The following CCSER1 variants were observed in gnomAD, a reference collection of about 807,000 sequenced individuals.
CCSER1 encodes coiled-coil serine rich protein 1, also known as serine-rich coiled-coil domain-containing protein 1.
Under a neutral mutation model 82.0 loss-of-function variants are expected in CCSER1, and 41 were observed. That is an observed-to-expected ratio of 0.50 (90% CI 0.39 to 0.65). CCSER1 has a LOEUF of 0.65. Ranked by LOEUF, CCSER1 falls within the 30% of genes least tolerant of loss-of-function variation. The pLI is 0.00. For synonymous variants in CCSER1, 414 were observed against 383.9 expected, an observed-to-expected ratio of 1.08 and a Z score of -0.92; for missense variants, 1,119 against 1,064.2, an observed-to-expected ratio of 1.05 and a Z score of -0.72.
At chr4:91,283,805 A>G (rs1743087957) in intron 10 of CCSER1, among the ~76,000 whole-genome samples, 1 of 151,964 alleles carries the variant, frequency 6.6e-6, no homozygotes. Context: ...TGTTTTATTT[A>G]CAGGGCACAG....
At chr4:91,355,981 G>A (rs144693270) in intron 10 of CCSER1, among the ~76,000 whole-genome samples, 2 of 152,224 alleles carry the variant, frequency 1.3e-5, no homozygotes, top group East Asian at 1.9e-4. Flanking sequence ...TATCTAGTTA[G>A]TCTAACATTC....
At chr4:91,148,824 T>A (rs1292980695) in intron 10 of CCSER1, among the ~76,000 whole-genome samples, 1 of 152,328 alleles carries the variant, frequency 6.6e-6, no homozygotes, top group Admixed American at 6.5e-5. Flanking sequence ...TCATCCTTTT[T>A]TATGGCTGCA....
chr4:90,640,473 T>G (rs1726292841), intron 6 of CCSER1, among the ~76,000 whole-genome samples: 1 of 152,162 alleles, frequency 6.6e-6, no homozygotes, highest in Admixed American at 6.6e-5. Context: ...ATTTTTCTTT[T>G]AAAAAGTATT....
rs137943987 is a variant in CCSER1 at position 90,263,629 on chromosome 4, C to T, written c.-41-44615C>T. On this transcript the variant is annotated intron_variant, in intron 1 of 10. Transcript: ENST00000509176. ...TCTACCTAGAGATGCTGTAATGGCCCGAGTTGATTGACCTCCAACAGAGGT... is the reference window on the plus strand; with the variant it reads ...TCTACCTAGAGATGCTGTAATGGCCTGAGTTGATTGACCTCCAACAGAGGT... 5.9e-5 allele frequency among the ~76,000 whole-genome samples: 9 copies of T among 152,128 alleles called. No homozygotes were observed. In the South Asian group the frequency reaches 6.2e-4, roughly 11 times the overall value.
intron 5 of CCSER1, among the ~76,000 whole-genome samples, chr4:90,593,786 C>T (rs1231840111): frequency 6.6e-6 from 1 of 151,862 alleles, no homozygotes; most frequent in Non-Finnish European, 1.5e-5. Flanking sequence ...ACAGGTAATT[C>T]CTATTATGTT....
intron 8 of CCSER1, among the ~76,000 whole-genome samples, chr4:90,905,631 A>G: frequency 6.6e-6 from 1 of 152,078 alleles, no homozygotes; most frequent in Non-Finnish European, 1.5e-5. Flanking sequence ...ACCTGGTAAA[A>G]CATTTGCTTA....
chr4:91,379,721 G>T (rs1300147143), intron 10 of CCSER1, among the ~76,000 whole-genome samples: 1 of 152,086 alleles, frequency 6.6e-6, no homozygotes, highest in East Asian at 1.9e-4. Flanking sequence ...TTGATTTCTT[G>T]AAGGGATTTT....
chr4:90,708,792 C>G (rs1739926386), intron 6 of CCSER1, among the ~76,000 whole-genome samples: 1 of 151,972 alleles, frequency 6.6e-6, no homozygotes, highest in South Asian at 2.1e-4. Flanking sequence ...CTGATTTTTT[C>G]CCCTAAAAGT....
chr4:90,710,266 GT>G (rs980714939), intron 6 of CCSER1, among the ~76,000 whole-genome samples: 1 of 151,868 alleles, frequency 6.6e-6, no homozygotes, highest in Non-Finnish European at 1.5e-5. Context: ...TCTAGTGATA[GT>G]TTTTTGTTGT....
intron 8 of CCSER1, among the ~76,000 whole-genome samples, chr4:90,891,556 T>G (rs1324502356): frequency 6.6e-6 from 1 of 152,016 alleles, no homozygotes; most frequent in African/African-American, 2.4e-5. Flanking sequence ...TCAGATCAGC[T>G]GAATGATATA....
intron 10 of CCSER1, among the ~76,000 whole-genome samples, chr4:91,151,788 G>A (rs982283653): frequency 9.2e-5 from 14 of 152,190 alleles, no homozygotes; most frequent in African/African-American, 3.1e-4. Flanking sequence ...GGGGTTTTGA[G>A]TTAGTTTCTC....
chr4:91,358,133 G>C (rs555658287), intron 10 of CCSER1, among the ~76,000 whole-genome samples: 1 of 151,560 alleles, frequency 6.6e-6, no homozygotes, highest in Non-Finnish European at 1.5e-5. Context: ...TCTCTCTGCT[G>C]GTCTTTCCTT....
At chr4:91,147,395 G>A (rs1014031673) in intron 10 of CCSER1, among the ~76,000 whole-genome samples, 1 of 152,180 alleles carries the variant, frequency 6.6e-6, no homozygotes, top group African/African-American at 2.4e-5. Flanking sequence ...GCTCTTCCAG[G>A]TGTTCAGAGC....
At chr4:91,091,329 G>A (rs2189187) in intron 10 of CCSER1, among the ~76,000 whole-genome samples, 11 of 152,070 alleles carry the variant, frequency 7.2e-5, no homozygotes, top group South Asian at 6.2e-4. Context: ...AGCACACGTC[G>A]GGCTGGTCAC....
intron 10 of CCSER1, among the ~76,000 whole-genome samples, chr4:91,094,141 T>C (rs1397979245): frequency 6.6e-6 from 1 of 152,208 alleles, no homozygotes; most frequent in African/African-American, 2.4e-5. Flanking sequence ...TGGAGTGTCC[T>C]AGCAGAAGAT....
At chr4:91,084,883 CAT>C (rs564353611) in intron 9 of CCSER1, among the ~76,000 whole-genome samples, 53 of 151,838 alleles carry the variant, frequency 3.5e-4, no homozygotes, top group Non-Finnish European at 1.2e-4. Flanking sequence ...GAAGAGATAA[CAT>C]GTTTGAAAAA....
intron 7 of CCSER1, among the ~76,000 whole-genome samples, chr4:90,747,809 C>G (rs1388310669): frequency 1.2e-4 from 16 of 131,216 alleles, no homozygotes; most frequent in African/African-American, 3.7e-4. Flanking sequence ...CCCCTCCCCC[C>G]ACTCCACAAC....
At chr4:90,831,333 C>T (rs905154625) in intron 8 of CCSER1, among the ~76,000 whole-genome samples, 1 of 152,152 alleles carries the variant, frequency 6.6e-6, no homozygotes, top group African/African-American at 2.4e-5. Context: ...TCATTTTGCA[C>T]ACTGAGATAT....
chr4:90,860,317 C>T (rs7660354), intron 8 of CCSER1, among the ~76,000 whole-genome samples: 27,377 of 151,166 alleles, frequency 0.18, 2,761 homozygotes, highest in South Asian at 0.27. Context: ...CACTTGACAC[C>T]CACTAGGATG....
Sources: gnomAD v4.1 joint callset for allele counts (sites outside exome capture counted in the v4.1 genomes callset) on GRCh38, gnomAD v4.1.1 for gene constraint, MANE v1.5 for transcripts, NCBI Gene and HGNC (gene_info 2026-07-23, HGNC 2026-07-21) for gene names.